The following LECT2 variants were observed in gnomAD, a reference collection of about 807,000 sequenced individuals.
LECT2 encodes the protein leukocyte cell derived chemotaxin 2.
Under a neutral mutation model 16.6 loss-of-function variants are expected in LECT2, and 11 were observed. That is an observed-to-expected ratio of 0.66 (90% confidence interval 0.42 to 1.09). The LOEUF is 1.09. Among genes scored for constraint, LECT2 ranks in the 50% least tolerant of loss-of-function variants. The pLI is 0.00. For missense variants in LECT2, 173 were observed against 184.2 expected (o/e 0.94, Z 0.35); for synonymous variants, 54 against 64.8 (o/e 0.83, Z 0.80).
At position 135,947,489 on chromosome 5, in the gene LECT2, C is replaced by A; in HGVS notation, c.298G>T (p.Val100Phe). Residue 100 changes from valine to phenylalanine, a missense_variant, in exon 4 of 4, where the codon GTC becomes TTC. Transcript: ENST00000274507. The part of the protein sequence containing the change: ...GVRISGRGFC[V>F]KMFYIKPIKY... ...ATTGGCTTAATGTAGAACATTTTGA[C>A]ACAAAAACCTAAAAGAAAATAAGTA... The A allele has an allele frequency of 6.2e-7, 1 of 1,600,406 alleles. No homozygotes were observed. The highest frequency in any genetic ancestry group is 1.1e-5 in the South Asian group (1 of 88,026).
rs879103132 is a variant in LECT2 at position 135,947,252 on chromosome 5, A to C, written c.*79T>G. ...CATGCATTTTTCCTTTGTGAACACA[A>C]ATTTCTTGAAGAGAAGGGTATGCAT... On this transcript the variant is annotated 3_prime_UTR_variant, in exon 4 of 4. Transcript: ENST00000274507. 4 of 1,382,116 alleles carry C rather than the reference A, an allele frequency of 2.9e-6. No homozygotes were observed. The African/African-American group carries it at 5.8e-5, about 20-fold the overall frequency. The allele number at this position is 1,382,116 out of a possible 1,614,324, so 85.6% of individuals were successfully genotyped here.
At chr5:135,952,255 A>T (rs754249952) in intron 2 of LECT2, among the ~76,000 whole-genome samples, 66 of 152,324 alleles carry the variant, frequency 4.3e-4, no homozygotes, top group Middle Eastern at 3.4e-3. Flanking sequence ...GTTAGGATGG[A>T]GATCAGTGAT....
At chr5:135,948,064 G>T (rs1763728236) in intron 3 of LECT2, among the ~76,000 whole-genome samples, 1 of 152,170 alleles carries the variant, frequency 6.6e-6, no homozygotes, top group South Asian at 2.1e-4. Context: ...CGATTGAAAA[G>T]GCTGAAAGTG....
chr5:135,951,436 G>T lies in LECT2; in HGVS notation c.144-68C>A. 2 of 1,437,872 alleles carry T rather than the reference G, an allele frequency of 1.4e-6. 1 individual carries two copies. The highest frequency in any genetic ancestry group is 1.9e-6 in the Non-Finnish European group (2 of 1,046,042). The allele number at this position is 1,437,872 out of a possible 1,614,324, so 89.1% of individuals were successfully genotyped here. On this transcript the variant is annotated intron_variant, in intron 2 of 3. Coordinates refer to ENST00000274507, the MANE Select transcript of LECT2 (RefSeq NM_002302.3). Reference sequence around the variant, plus strand: ...GGGGAGCTTTACTGCCTGGGAACATGGTGTTAGCCCACTGTTTGCAGACGA... The same window carrying T: ...GGGGAGCTTTACTGCCTGGGAACATTGTGTTAGCCCACTGTTTGCAGACGA...
At chr5:135,951,658 T>A (rs535660248) in intron 2 of LECT2, 1 of 305,654 alleles carries the variant, frequency 3.3e-6, no homozygotes, top group Admixed American at 4.8e-5. Flanking sequence ...GTTGGGGGAA[T>A]GAGGCAGTCC....
intron 1 of LECT2, among the ~76,000 whole-genome samples, chr5:135,954,161 A>G (rs1471999395): frequency 2.6e-5 from 4 of 152,246 alleles, no homozygotes; most frequent in Admixed American, 2.6e-4. Context: ...ACTCTTCATT[A>G]ATACCTATCC....
chr5:135,950,230 T>C (rs1763770656), intron 3 of LECT2, among the ~76,000 whole-genome samples: 1 of 152,156 alleles, frequency 6.6e-6, no homozygotes, highest in African/African-American at 2.4e-5. Flanking sequence ...TGAGGAAGAA[T>C]AGATAAATAG....
rs756279285 is a variant in LECT2, at chr5:135,947,036, C to T, written c.*295G>A. The T allele has an allele frequency of 1.0e-5, 2 of 199,098 alleles. No individual in the cohort carries two copies. Among genetic ancestry groups the T allele is most frequent in the Non-Finnish European group, 2.0e-5 (2 of 98,306 alleles). 12.3% of individuals were successfully genotyped at this position (199,098 alleles called of 1,614,324 possible). On this transcript the variant is annotated 3_prime_UTR_variant, in exon 4 of 4. Coordinates refer to ENST00000274507, the MANE Select transcript of LECT2 (RefSeq NM_002302.3). ...CCAGTTCACATGAACATCAGAGTGA[C>T]AATGAGTTAAAATCAAAATGTTTTC...
chr5:135,950,361 CTATT>C (rs1198295296), intron 3 of LECT2, among the ~76,000 whole-genome samples: 2 of 152,146 alleles, frequency 1.3e-5, no homozygotes, highest in South Asian at 2.1e-4. Flanking sequence ...CTGTTTAATT[CTATT>C]TATACCATTT....
At chr5:135,949,129 T>C (rs1025078053) in intron 3 of LECT2, among the ~76,000 whole-genome samples, 4 of 152,200 alleles carry the variant, frequency 2.6e-5, no homozygotes, top group African/African-American at 9.7e-5. Context: ...ACCATTAATA[T>C]AACAGTGAAG....
intron 3 of LECT2, among the ~76,000 whole-genome samples, chr5:135,949,399 A>G (rs1401718192): frequency 6.6e-6 from 1 of 152,218 alleles, no homozygotes; most frequent in African/African-American, 2.4e-5. Flanking sequence ...ACCTCTTGGT[A>G]GATTGGAGGA....
In LECT2 at chr5:135,951,311, G is replaced by T. The variant is rs138349831; in HGVS notation, c.201C>A (p.Tyr67Ter). The T allele has an allele frequency of 5.6e-6, 9 of 1,613,642 alleles. No homozygotes were observed. The highest frequency in any genetic ancestry group is 1.6e-4 in the Middle Eastern group (1 of 6,062). ...CCACAATCATTCCAGTGAATGGTGC[G>T]TACACAGTAGATCCAGCAGAGCACA... ...DILCSAGSTV[Y>*]APFTGMIVGQ... Residue 67 changes from tyrosine to a stop codon, truncating the protein, a stop_gained, in exon 3 of 4, where the codon TAC becomes TAA. Transcript: ENST00000274507. LOFTEE classifies it high-confidence loss of function.
At chr5:135,949,273 A>G (rs921094335) in intron 3 of LECT2, among the ~76,000 whole-genome samples, 16 of 152,206 alleles carry the variant, frequency 1.1e-4, no homozygotes, top group African/African-American at 3.9e-4. Flanking sequence ...TTTTGGTGGA[A>G]ATTAGCAAAC....
intron 3 of LECT2, among the ~76,000 whole-genome samples, chr5:135,950,189 T>A (rs987068229): frequency 2.6e-5 from 4 of 152,228 alleles, no homozygotes; most frequent in African/African-American, 9.6e-5. Context: ...TTTATAATCA[T>A]CTTAAACTGG....
chr5:135,947,574 C>CA (rs2126875025), intron 3 of LECT2, 77 bp from the exon 4 acceptor site: 3 of 1,334,498 alleles, frequency 2.2e-6, no homozygotes, highest in East Asian at 2.6e-5. Context: ...AACAAATGGA[C>CA]AAAAAATAAA....
chr5:135,954,757 T>C (rs756326476), intron 1 of LECT2, 31 bp downstream of exon 1: 3 of 1,541,294 alleles, frequency 1.9e-6, no homozygotes, highest in Admixed American at 1.7e-5. Context: ...TAAAAGTTAA[T>C]CAATATTCTA....
At chr5:135,948,893 T>G (rs1763743986) in intron 3 of LECT2, among the ~76,000 whole-genome samples, 2 of 152,126 alleles carry the variant, frequency 1.3e-5, no homozygotes. Context: ...GCCAGGATGG[T>G]CTCGATCTCC....
At chr5:135,948,282 C>T (rs1170379067) in intron 3 of LECT2, among the ~76,000 whole-genome samples, 3 of 152,130 alleles carry the variant, frequency 2.0e-5, no homozygotes, top group African/African-American at 7.2e-5. Context: ...CACAAGTCAT[C>T]TATATAAAGC....
At chr5:135,951,424 G>A in intron 2 of LECT2, 56 bp from the exon 3 acceptor site, 2 of 1,518,500 alleles carry the variant, frequency 1.3e-6, no homozygotes, top group Non-Finnish European at 1.8e-6. Flanking sequence ...GAGCTTTACT[G>A]CCTGGGAACA....
Sources: allele counts gnomAD v4.1 joint callset (sites outside exome capture counted in the v4.1 genomes callset), GRCh38; gene constraint gnomAD v4.1.1; transcripts MANE v1.5; gene names NCBI Gene and HGNC (gene_info 2026-07-23, HGNC 2026-07-21).